Variants in DTNBP1 observed in about 807,000 individuals in gnomAD.
The protein encoded by DTNBP1 is dystrobrevin binding protein 1, also known as dysbindin.
In DTNBP1, 35 loss-of-function variants were observed where a neutral mutation model predicts 42.8. The ratio of observed to expected loss-of-function variants is 0.82; its 90% confidence interval spans 0.63 to 1.09. The LOEUF (loss-of-function observed/expected upper bound fraction) is 1.09, where lower values mean the gene tolerates loss of function less well. Among genes scored for constraint, DTNBP1 ranks in the 50% least tolerant of loss-of-function variants. The probability of loss-of-function intolerance (pLI) is 0.00; values close to 1 mark genes in which losing one functional copy is unlikely to be tolerated. For missense variants in DTNBP1, 457 were observed against 424.2 expected (o/e 1.08, Z -0.68); for synonymous variants, 171 against 162.2 (o/e 1.05, Z -0.41).
chr6:15,662,998 G>T lies in DTNBP1; in HGVS notation c.-129C>A, dbSNP rs929725468. 12 of 1,347,870 alleles carry T rather than the reference G, an allele frequency of 8.9e-6. No individual in the cohort carries two copies. Among genetic ancestry groups the T allele is most frequent in the South Asian group, 1.2e-5 (1 of 82,426 alleles). The allele number at this position is 1,347,870 out of a possible 1,614,324, so 83.5% of individuals were successfully genotyped here. A position where few individuals can be genotyped will look rare whatever the true frequency, so the allele number is the denominator to read the frequency against. ...CACTCCCACTACCGGCCCCGCCCCC[G>T]GTCTGGTCCTCGCCGCCGCGCCGCA... On this transcript the variant is annotated 5_prime_UTR_variant, in exon 1 of 10. Coordinates refer to ENST00000344537, the MANE Select transcript of DTNBP1 (RefSeq NM_032122.5).
At chr6:15,570,235 G>C (rs758166737) in intron 7 of DTNBP1, among the ~76,000 whole-genome samples, 1 of 151,280 alleles carries the variant, frequency 6.6e-6, no homozygotes, top group African/African-American at 2.4e-5. Context: ...CTCCCAAGAG[G>C]ACTGAGAGAC....
At chr6:15,603,869 G>C (rs1249941514) in intron 6 of DTNBP1, among the ~76,000 whole-genome samples, 2 of 152,062 alleles carry the variant, frequency 1.3e-5, no homozygotes, top group Non-Finnish European at 2.9e-5. Context: ...TCACCCTCTT[G>C]GATATTTTTT....
At position 15,522,987 on chromosome 6, in the gene DTNBP1, G is replaced by C. The variant is rs972961523; in HGVS notation, c.1044C>G (p.Asp348Glu). The stretch of plus-strand genomic sequence containing the variant: ...CCCATGTCCCAATTTAAGAGTCGCT[G>C]TCCTCACCACCATCCGGAGTGGCCT... ...DREATPDGGEDSDS is the reference protein window; with the variant it reads ...DREATPDGGEESDS The change falls in exon 10 of 10, where the codon GAC becomes GAG. Residue 348 changes from aspartate (D) to glutamate (E), a missense_variant. Asp to Glu is a conservative substitution (Grantham distance 45). Coordinates refer to ENST00000344537, the MANE Select transcript of DTNBP1 (RefSeq NM_032122.5). The C allele has an allele frequency of 1.9e-6, 3 of 1,614,088 alleles. No homozygotes were observed. Among genetic ancestry groups the C allele is most frequent in the Non-Finnish European group, 2.5e-6 (3 of 1,180,044 alleles).
At chr6:15,526,038 G>C (rs1220350898) in intron 8 of DTNBP1, among the ~76,000 whole-genome samples, 1 of 152,174 alleles carries the variant, frequency 6.6e-6, no homozygotes, top group East Asian at 1.9e-4. Flanking sequence ...GAAATAATTA[G>C]GATGACAGGC....
intron 7 of DTNBP1, among the ~76,000 whole-genome samples, chr6:15,548,584 C>T (rs1424503294): frequency 1.3e-5 from 2 of 152,006 alleles, no homozygotes; most frequent in Non-Finnish European, 2.9e-5. Context: ...CCCCTTGTTT[C>T]CAACATTTTG....
chr6:15,644,355 C>T (rs967683520), intron 3 of DTNBP1, among the ~76,000 whole-genome samples: 1 of 152,050 alleles, frequency 6.6e-6, no homozygotes, highest in Non-Finnish European at 1.5e-5. Flanking sequence ...TTCAACACCC[C>T]ACCAGCAGCA....
intron 7 of DTNBP1, among the ~76,000 whole-genome samples, chr6:15,591,815 T>C (rs948305860): frequency 5.9e-5 from 9 of 152,170 alleles, no homozygotes; most frequent in African/African-American, 2.2e-4. Flanking sequence ...TACTGTTATA[T>C]AAGAAGATAC....
intron 9 of DTNBP1, 46 bp from the exon 10 acceptor site, chr6:15,523,265 G>A: frequency 6.2e-7 from 1 of 1,611,734 alleles, no homozygotes; most frequent in South Asian, 1.1e-5. Context: ...TAAAAATATT[G>A]TGAATCAGAA....
intron 7 of DTNBP1, among the ~76,000 whole-genome samples, chr6:15,562,866 C>G (rs1316192082): frequency 6.6e-6 from 1 of 152,192 alleles, no homozygotes; most frequent in Non-Finnish European, 1.5e-5. Context: ...AGCCTCCTAC[C>G]TGGTCACTCC....
chr6:15,624,660 A>C (rs1418249159), intron 5 of DTNBP1, among the ~76,000 whole-genome samples: 2 of 152,208 alleles, frequency 1.3e-5, no homozygotes, highest in Non-Finnish European at 2.9e-5. Flanking sequence ...AAGGGCAACA[A>C]GTTCAAAGAA....
intron 6 of DTNBP1, among the ~76,000 whole-genome samples, chr6:15,606,316 T>C (rs144093323): frequency 1.3e-5 from 2 of 152,346 alleles, no homozygotes; most frequent in African/African-American, 4.8e-5. Context: ...TGACAAAATA[T>C]CATATATCCA....
chr6:15,592,075 A>C (rs1776322789), intron 7 of DTNBP1, among the ~76,000 whole-genome samples: 1 of 152,226 alleles, frequency 6.6e-6, no homozygotes, highest in Non-Finnish European at 1.5e-5. Context: ...AGCCAAACAA[A>C]GCTGTTCAAT....
chr6:15,565,883 T>G (rs1004083960), intron 7 of DTNBP1, among the ~76,000 whole-genome samples: 1 of 152,204 alleles, frequency 6.6e-6, no homozygotes. Context: ...CATGTGACCA[T>G]GTAGTTCGTG....
chr6:15,550,975 T>TAG (rs1224230044), intron 7 of DTNBP1, among the ~76,000 whole-genome samples: 1 of 152,188 alleles, frequency 6.6e-6, no homozygotes, highest in Non-Finnish European at 1.5e-5. Flanking sequence ...TTTCACCAAT[T>TAG]AGAGATTACA....
At chr6:15,662,059 C>G (rs891006085) in intron 1 of DTNBP1, among the ~76,000 whole-genome samples, 1 of 152,208 alleles carries the variant, frequency 6.6e-6, no homozygotes, top group African/African-American at 2.4e-5. Flanking sequence ...ATCTTTAAAA[C>G]GCCGTCTCCA....
intron 6 of DTNBP1, among the ~76,000 whole-genome samples, chr6:15,601,781 G>A (rs1309690066): frequency 6.6e-6 from 1 of 151,098 alleles, no homozygotes; most frequent in Non-Finnish European, 1.5e-5. Flanking sequence ...GGAGGCAGAG[G>A]TTGTGGTGAG....
intron 7 of DTNBP1, among the ~76,000 whole-genome samples, chr6:15,571,455 C>A (rs1453954596): frequency 6.6e-6 from 1 of 152,066 alleles, no homozygotes; most frequent in East Asian, 2.0e-4. Flanking sequence ...ATTTTCCCTC[C>A]TTCTGTTCCT....
chr6:15,546,929 T>TC (rs1193328384), intron 7 of DTNBP1, among the ~76,000 whole-genome samples: 1 of 133,874 alleles, frequency 7.5e-6, no homozygotes, highest in African/African-American at 2.9e-5. Context: ...TTTCTTTCTT[T>TC]TTTTTTTTTT....
chr6:15,593,012 C>A, intron 7 of DTNBP1, 47 bp downstream of exon 7: 1 of 1,542,680 alleles, frequency 6.5e-7, no homozygotes, highest in Admixed American at 1.8e-5. Flanking sequence ...CATCTGATAC[C>A]AATGAACTCT....
Sources: allele counts gnomAD v4.1 joint callset (sites outside exome capture counted in the v4.1 genomes callset), GRCh38; gene constraint gnomAD v4.1.1; transcripts MANE v1.5; gene names NCBI Gene and HGNC (gene_info 2026-07-23, HGNC 2026-07-21).